NKAIN3: variants seen among roughly 807,000 people sequenced by gnomAD.
NKAIN3 encodes sodium/potassium-transporting ATPase subunit beta-1-interacting protein 3.
NKAIN3 carries 25 observed loss-of-function variants against 30.2 expected under a neutral mutation model. The ratio of observed to expected loss-of-function variants is 0.83; its 90% CI spans 0.60 to 1.16. NKAIN3 has a LOEUF of 1.16. Ranked by LOEUF, NKAIN3 falls within the 50% of genes most tolerant of loss-of-function variation. The pLI, the probability that NKAIN3 is intolerant of heterozygous loss-of-function variation, is 0.00. For synonymous variants in NKAIN3, 91 were observed against 89.6 expected (o/e 1.02, Z -0.09); for missense variants, 225 against 254.1 (o/e 0.89, Z 0.78).
intron 1 of NKAIN3, among the ~76,000 whole-genome samples, chr8:62,445,595 G>A (rs1805464832): frequency 6.6e-6 from 1 of 152,078 alleles, no homozygotes; most frequent in Non-Finnish European, 1.5e-5. Context: ...AATACAAGTT[G>A]GGGAGGCACC....
intron 6 of NKAIN3, among the ~76,000 whole-genome samples, chr8:62,959,111 A>G (rs1304522244): frequency 6.6e-6 from 1 of 152,210 alleles, no homozygotes; most frequent in East Asian, 1.9e-4. Flanking sequence ...AAATTGCTAC[A>G]TGCTAGGTGG....
intron 4 of NKAIN3, among the ~76,000 whole-genome samples, chr8:62,771,243 G>A (rs1314251788): frequency 6.6e-6 from 1 of 151,994 alleles, no homozygotes; most frequent in Non-Finnish European, 1.5e-5. Flanking sequence ...AACAGGGCAA[G>A]ATAGCAAGAT....
rs1308214207 is a variant in NKAIN3 at position 62,970,332 on chromosome 8, A to T, written c.*4925A>T. ...AAAAAATTCAAAAGTTATGGGTAGC[A>T]TCTCTTTTTCATCTGAAAAAGCTTA... On this transcript the variant is annotated 3_prime_UTR_variant, in exon 7 of 7. Coordinates refer to ENST00000623646, the MANE Select transcript of NKAIN3 (RefSeq NM_001304533.3). 6.6e-6 allele frequency among the ~76,000 whole-genome samples: 1 copy of T among 152,162 alleles called. No homozygotes were observed. Among genetic ancestry groups the T allele is most frequent in the African/African-American group, 2.4e-5 (1 of 41,444 alleles).
chr8:62,753,203 A>G (rs934773648), intron 4 of NKAIN3, among the ~76,000 whole-genome samples: 6 of 97,496 alleles, frequency 6.2e-5, no homozygotes, highest in African/African-American at 2.2e-4. Context: ...AGATTTAAAG[A>G]GGATGCACAC....
intron 1 of NKAIN3, among the ~76,000 whole-genome samples, chr8:62,389,664 G>T (rs912731614): frequency 3.9e-5 from 6 of 152,158 alleles, no homozygotes; most frequent in Non-Finnish European, 8.8e-5. Flanking sequence ...CTGGGTATAG[G>T]AGTACATACA....
intron 1 of NKAIN3, among the ~76,000 whole-genome samples, chr8:62,357,308 A>G (rs144273688): frequency 1.3e-5 from 2 of 151,540 alleles, no homozygotes; most frequent in African/African-American, 4.8e-5. Flanking sequence ...AATCGTAGCT[A>G]CTTGGCAGGC....
At chr8:62,497,601 C>A (rs536048379) in intron 1 of NKAIN3, among the ~76,000 whole-genome samples, 3 of 151,914 alleles carry the variant, frequency 2.0e-5, no homozygotes, top group African/African-American at 7.3e-5. Context: ...GGAGACACAC[C>A]AGAGAATTTT....
intron 1 of NKAIN3, among the ~76,000 whole-genome samples, chr8:62,306,294 G>C (rs1190245559): frequency 1.3e-5 from 2 of 149,998 alleles, no homozygotes; most frequent in Non-Finnish European, 2.9e-5. Flanking sequence ...GGACTCTCTT[G>C]CTTTTTACTG....
intron 4 of NKAIN3, among the ~76,000 whole-genome samples, chr8:62,816,846 C>T (rs978396): frequency 0.89 from 134,800 of 152,142 alleles, 59,859 homozygotes; most frequent in African/African-American, 0.91. Context: ...TGTCAGAAAT[C>T]CCACAGAATT....
chr8:62,851,032 T>C (rs542709149), intron 4 of NKAIN3, among the ~76,000 whole-genome samples: 58 of 152,206 alleles, frequency 3.8e-4, no homozygotes, highest in African/African-American at 1.4e-3. Flanking sequence ...ATTGAATCTC[T>C]AAATTACCTT....
intron 5 of NKAIN3, among the ~76,000 whole-genome samples, chr8:62,938,896 A>C (rs529539787): frequency 1.8e-4 from 27 of 152,338 alleles, no homozygotes; most frequent in African/African-American, 6.3e-4. Flanking sequence ...ACCGAAACCA[A>C]CAAGAAATAT....
At chr8:62,384,762 C>A (rs996205252) in intron 1 of NKAIN3, among the ~76,000 whole-genome samples, 9 of 152,090 alleles carry the variant, frequency 5.9e-5, no homozygotes, top group Admixed American at 5.2e-4. Context: ...AAATTACAGT[C>A]AAATATGCAA....
intron 1 of NKAIN3, among the ~76,000 whole-genome samples, chr8:62,389,837 G>A (rs57768993): frequency 6.6e-6 from 1 of 152,108 alleles, no homozygotes; most frequent in Non-Finnish European, 1.5e-5. Flanking sequence ...CCTTATCTTA[G>A]ATAATTAATG....
chr8:62,878,714 C>CA (rs1164809604), intron 4 of NKAIN3, among the ~76,000 whole-genome samples: 5 of 143,020 alleles, frequency 3.5e-5, no homozygotes, highest in Admixed American at 7.3e-5. Context: ...TTCCTGTGTC[C>CA]TGTGTTCTCA....
intron 4 of NKAIN3, among the ~76,000 whole-genome samples, chr8:62,873,402 C>T (rs7018000): frequency 0.69 from 103,681 of 149,734 alleles, 36,559 homozygotes; most frequent in African/African-American, 0.78. Flanking sequence ...GATTTTAACA[C>T]CCCACTGTCA....
intron 1 of NKAIN3, among the ~76,000 whole-genome samples, chr8:62,389,013 C>G (rs950502445): frequency 6.6e-6 from 1 of 152,106 alleles, no homozygotes. Flanking sequence ...GGGAGCAGCC[C>G]GTATTGAGCT....
chr8:62,921,351 T>A (rs1047170429), intron 5 of NKAIN3, among the ~76,000 whole-genome samples: 4 of 152,170 alleles, frequency 2.6e-5, no homozygotes, highest in Non-Finnish European at 4.4e-5. Context: ...AAATGCAAAG[T>A]TAAGCCTTGT....
At chr8:62,851,826 A>T (rs1171007335) in intron 4 of NKAIN3, among the ~76,000 whole-genome samples, 1 of 152,162 alleles carries the variant, frequency 6.6e-6, no homozygotes, top group Non-Finnish European at 1.5e-5. Context: ...ATGGTGGATA[A>T]GCTTTTTGAT....
chr8:62,695,450 G>A (rs912140719), intron 3 of NKAIN3, among the ~76,000 whole-genome samples: 7 of 152,166 alleles, frequency 4.6e-5, no homozygotes, highest in African/African-American at 1.7e-4. Context: ...TAATAATAAT[G>A]AGGTAAAAAT....
Sources: gnomAD v4.1 joint callset for allele counts (sites outside exome capture counted in the v4.1 genomes callset) on GRCh38, gnomAD v4.1.1 for gene constraint, MANE v1.5 for transcripts, NCBI Gene and HGNC (gene_info 2026-07-23, HGNC 2026-07-21) for gene names.